Variants in TMOD1 observed in about 807,000 individuals in gnomAD.
TMOD1 encodes tropomodulin-1.
TMOD1 carries 17 observed loss-of-function variants against 40.6 expected under a neutral mutation model. The observed-to-expected ratio is 0.42, with a 90% CI of 0.29 to 0.63. The LOEUF (loss-of-function observed/expected upper bound fraction) is 0.63, where lower values mean the gene tolerates loss of function less well. Ranked by LOEUF, TMOD1 falls within the 20% of genes least tolerant of loss-of-function variation. The pLI is 0.22. For missense variants in TMOD1, 391 were observed against 447.6 expected (o/e 0.87, Z 1.14); for synonymous variants, 181 against 175.0 (o/e 1.03, Z -0.27).
At chr9:97,580,197 G>A (rs1307941462) in intron 8 of TMOD1, among the ~76,000 whole-genome samples, 2 of 152,288 alleles carry the variant, frequency 1.3e-5, no homozygotes, top group Non-Finnish European at 2.9e-5. Flanking sequence ...TGGCAGTGGG[G>A]AGCCATTAGA....
At chr9:97,508,479 C>T (rs112746195) in intron 1 of TMOD1, among the ~76,000 whole-genome samples, 2,473 of 152,242 alleles carry the variant, frequency 0.016, 54 homozygotes, top group East Asian at 0.1. Context: ...TGCGAGCCAC[C>T]GTACCCAGCC....
chr9:97,590,064 T>C (rs1377399768), intron 8 of TMOD1, among the ~76,000 whole-genome samples: 1 of 150,350 alleles, frequency 6.7e-6, no homozygotes, highest in Admixed American at 6.6e-5. Flanking sequence ...GTTTTTTTTC[T>C]TTTTTTTTCT....
intron 1 of TMOD1, among the ~76,000 whole-genome samples, chr9:97,517,251 G>A (rs1829825702): frequency 6.6e-6 from 1 of 152,116 alleles, no homozygotes; most frequent in Non-Finnish European, 1.5e-5. Context: ...TCGAGAGGCT[G>A]AGGAGGGAGG....
At chr9:97,573,496 T>C (rs754908985) in intron 8 of TMOD1, among the ~76,000 whole-genome samples, 10 of 152,234 alleles carry the variant, frequency 6.6e-5, no homozygotes, top group South Asian at 2.1e-4. Context: ...CAGTTTTTTG[T>C]AGCTGTGTAA....
At chr9:97,590,372 C>T (rs922007924) in intron 8 of TMOD1, among the ~76,000 whole-genome samples, 28 of 151,856 alleles carry the variant, frequency 1.8e-4, no homozygotes, top group Non-Finnish European at 4.0e-4. Context: ...TACAGGTGCC[C>T]GCCATCACAC....
intron 1 of TMOD1, among the ~76,000 whole-genome samples, chr9:97,511,108 A>ACACACG (rs1554752913): frequency 6.7e-6 from 1 of 149,714 alleles, no homozygotes; most frequent in Non-Finnish European, 1.5e-5. Flanking sequence ...ACACACACAC[A>ACACACG]CACAGGCTTT....
intron 3 of TMOD1, among the ~76,000 whole-genome samples, chr9:97,552,295 A>G (rs973356752): frequency 1.3e-5 from 2 of 150,876 alleles, no homozygotes; most frequent in Admixed American, 6.6e-5. Flanking sequence ...ATCAGGTCCC[A>G]GGTCACAAGC....
In TMOD1 at chr9:97,586,018, C is replaced by T. The variant is rs1018902013; in HGVS notation, c.871-5273C>T. The stretch of plus-strand genomic sequence containing the variant: ...CTTCTCTCAGCTCGTGAAAGTCATT[C>T]TCCATCCAGCTTTGTTCCGTTGCTG... On this transcript the variant is annotated intron_variant, in intron 8 of 9. Transcript: ENST00000259365. 5.3e-4 allele frequency among the ~76,000 whole-genome samples: 81 copies of T among 151,936 alleles called. 1 individual carries two copies. Among genetic ancestry groups the T allele is most frequent in the African/African-American group, 1.9e-3 (77 of 41,364 alleles).
At chr9:97,517,190 AT>A (rs1353571389) in intron 1 of TMOD1, among the ~76,000 whole-genome samples, 1 of 151,824 alleles carries the variant, frequency 6.6e-6, no homozygotes, top group Non-Finnish European at 1.5e-5. Context: ...CTACAAAAAA[AT>A]TTTTTTAAAT....
chr9:97,524,779 C>A (rs1394624792), intron 2 of TMOD1, among the ~76,000 whole-genome samples: 1 of 152,108 alleles, frequency 6.6e-6, no homozygotes. Flanking sequence ...GGCAGTCAGG[C>A]AGGAGGAAAT....
intron 3 of TMOD1, among the ~76,000 whole-genome samples, chr9:97,551,232 T>C (rs1445495613): frequency 6.6e-6 from 1 of 151,852 alleles, no homozygotes; most frequent in African/African-American, 2.4e-5. Flanking sequence ...CCATGTTGGC[T>C]AGGCTGGTCT....
At chr9:97,537,443 CTG>C (rs1427649062) in intron 2 of TMOD1, among the ~76,000 whole-genome samples, 2 of 152,228 alleles carry the variant, frequency 1.3e-5, no homozygotes, top group Non-Finnish European at 2.9e-5. Flanking sequence ...GCAATGATAA[CTG>C]TGCAGATACT....
At chr9:97,583,737 T>C (rs796842889) in intron 8 of TMOD1, among the ~76,000 whole-genome samples, 22,367 of 141,632 alleles carry the variant, frequency 0.16, 1,497 homozygotes, top group Non-Finnish European at 0.17. Flanking sequence ...TGGGAGAGTG[T>C]ATGTGTCCAG....
At chr9:97,590,636 A>G (rs571939057) in intron 8 of TMOD1, among the ~76,000 whole-genome samples, 265 of 145,560 alleles carry the variant, frequency 1.8e-3, no homozygotes, top group African/African-American at 6.5e-3. Flanking sequence ...TTTTTTTCTG[A>G]TTTTTTTTCT....
At chr9:97,580,653 G>A (rs1021618720) in intron 8 of TMOD1, among the ~76,000 whole-genome samples, 23 of 151,886 alleles carry the variant, frequency 1.5e-4, no homozygotes, top group African/African-American at 5.6e-4. Flanking sequence ...AGGGAGGGAG[G>A]GAGGGAACAG....
intron 1 of TMOD1, among the ~76,000 whole-genome samples, chr9:97,506,697 G>C (rs1829597398): frequency 6.6e-6 from 1 of 152,184 alleles, no homozygotes. Context: ...TTTTGTAATG[G>C]GACAGTGAAC....
chr9:97,595,011 C>G (rs146343686), intron 9 of TMOD1, among the ~76,000 whole-genome samples: 5 of 152,132 alleles, frequency 3.3e-5, no homozygotes, highest in African/African-American at 1.2e-4. Context: ...CTGGGAGTCA[C>G]CATTTTACAG....
intron 9 of TMOD1, among the ~76,000 whole-genome samples, chr9:97,593,002 C>T (rs1456718467): frequency 6.6e-6 from 1 of 152,216 alleles, no homozygotes; most frequent in African/African-American, 2.4e-5. Context: ...TCACAGATGT[C>T]ATAGCTAAAC....
intron 4 of TMOD1, among the ~76,000 whole-genome samples, chr9:97,560,976 G>A (rs1259997591): frequency 6.6e-6 from 1 of 152,252 alleles, no homozygotes; most frequent in Non-Finnish European, 1.5e-5. Flanking sequence ...GGGGCTGTTT[G>A]TGTAGCTGGA....
Sources: gnomAD v4.1 joint callset for allele counts (sites outside exome capture counted in the v4.1 genomes callset) on GRCh38, gnomAD v4.1.1 for gene constraint, MANE v1.5 for transcripts, NCBI Gene and HGNC (gene_info 2026-07-23, HGNC 2026-07-21) for gene names.